The following CACNG7 variants were observed in gnomAD, a reference collection of about 807,000 sequenced individuals.
CACNG7 encodes the protein voltage-dependent calcium channel gamma-7 subunit.
A neutral mutation model predicts 26.3 loss-of-function variants in CACNG7; 9 were observed. The ratio of observed to expected loss-of-function variants is 0.34; its 90% CI spans 0.21 to 0.60. CACNG7 has a LOEUF of 0.60. Among genes scored for constraint, CACNG7 ranks in the 20% least tolerant of loss-of-function variants. The pLI is 0.81. For missense variants in CACNG7, 297 were observed against 380.4 expected (o/e 0.78, Z 1.82); for synonymous variants, 170 against 157.0 (o/e 1.08, Z -0.62).
rs1458897973 is a variant in CACNG7 at position 53,922,088 on chromosome 19, G to A, written c.424+6583G>A. On this transcript the variant is annotated intron_variant, in intron 4 of 5. Coordinates refer to ENST00000391767, the MANE Select transcript of CACNG7 (RefSeq NM_031896.5). ...TTGCCCCAGGTCTGGTATTGGTGGA[G>A]TTGTCCCCAGGCCTGGTCATTGGTG... Among the ~76,000 whole-genome samples, 3 of 109,406 alleles carry A rather than the reference G, an allele frequency of 2.7e-5. 1 individual carries two copies. Among genetic ancestry groups the A allele is most frequent in the African/African-American group, 8.5e-5 (2 of 23,616 alleles). The allele number at this position is 109,406 out of a possible 152,430, so 71.8% of individuals were successfully genotyped here.
chr19:53,920,976 G>GTCATTGGTGGACTTGCCCCAGGCTGC (rs1475094748), intron 4 of CACNG7, among the ~76,000 whole-genome samples: 2 of 92,562 alleles, frequency 2.2e-5, no homozygotes, highest in African/African-American at 5.8e-5. Flanking sequence ...CCCCAGGCTG[G>GTCATTGGTGGACTTGCCCCAGGCTGC]TCATTGGTGG....
chr19:53,923,313 G>GT (rs1599981463), intron 4 of CACNG7, among the ~76,000 whole-genome samples: 2 of 120,084 alleles, frequency 1.7e-5, no homozygotes, highest in Non-Finnish European at 3.4e-5. Flanking sequence ...GTTGACTCAG[G>GT]CTGGTCATTG....
rs74177830 is a variant in CACNG7 at position 53,927,838 on chromosome 19, CA to C, written c.424+12348del. Among the ~76,000 whole-genome samples, 369 of 110,486 alleles carry C rather than the reference CA, an allele frequency of 3.3e-3. 1 individual carries two copies. Among genetic ancestry groups the C allele is most frequent in the Middle Eastern group, 0.01 (2 of 194 alleles). 72.5% of individuals were successfully genotyped at this position (110,486 alleles called of 152,430 possible). On this transcript the variant is annotated intron_variant, in intron 4 of 5. Transcript: ENST00000391767. ...GGGCAACAAGAGCGAAACTCCATCT[CA>C]AAAAAAAAAAAAAAGGAAAGAAAAA... is the stretch of plus-strand genomic sequence containing the variant.
At chr19:53,913,223 C>A (rs966673986) in intron 2 of CACNG7, among the ~76,000 whole-genome samples, 196 bp downstream of exon 2, 1 of 152,020 alleles carries the variant, frequency 6.6e-6, no homozygotes, top group Non-Finnish European at 1.5e-5. Flanking sequence ...TGCTCCAGGC[C>A]CCTAACCCCT....
At chr19:53,936,542 T>C (rs918149245) in intron 4 of CACNG7, among the ~76,000 whole-genome samples, 1 of 152,218 alleles carries the variant, frequency 6.6e-6, no homozygotes, top group Non-Finnish European at 1.5e-5. Flanking sequence ...AAAAGAACTT[T>C]CTCTTTTTTC....
intron 4 of CACNG7, among the ~76,000 whole-genome samples, chr19:53,926,112 C>T (rs1253656151): frequency 6.6e-6 from 1 of 152,174 alleles, no homozygotes; most frequent in Non-Finnish European, 1.5e-5. Context: ...AGCCCATGTG[C>T]ACTCACTCAC....
At chr19:53,924,805 T>C (rs2069010240) in intron 4 of CACNG7, among the ~76,000 whole-genome samples, 2 of 123,188 alleles carry the variant, frequency 1.6e-5, no homozygotes, top group African/African-American at 6.6e-5. Context: ...TGGTCATTGG[T>C]GGACTTGCCC....
chr19:53,941,369 C>T (rs1309653717), intron 4 of CACNG7, 101 bp from the exon 5 acceptor site: 2 of 1,359,934 alleles, frequency 1.5e-6, no homozygotes, highest in Non-Finnish European at 1.9e-6. Flanking sequence ...GGAAGTTAGT[C>T]CAGGACAGAA....
chr19:53,925,000 C>T (rs1166400668), intron 4 of CACNG7, among the ~76,000 whole-genome samples: 1 of 134,940 alleles, frequency 7.4e-6, no homozygotes, highest in Admixed American at 7.3e-5. Flanking sequence ...GTGGAGTTGC[C>T]CCAGGTCTGG....
rs1417084046 is a variant in CACNG7 at position 53,942,346 on chromosome 19, G to A, written c.*53G>A. 44 of 1,538,818 alleles carry A rather than the reference G, an allele frequency of 2.9e-5. No homozygotes were observed. The Middle Eastern group carries it at 7.0e-4, about 25-fold the overall frequency. ...TCCTCCTCCTCCTCGTCTTAGGGGGGTCTCCCTGCAATGCAGCGCCCCCTT... is the reference window on the plus strand; with the variant it reads ...TCCTCCTCCTCCTCGTCTTAGGGGGATCTCCCTGCAATGCAGCGCCCCCTT... On this transcript the variant is annotated 3_prime_UTR_variant, in exon 6 of 6. Coordinates refer to ENST00000391767, the MANE Select transcript of CACNG7 (RefSeq NM_031896.5). This position sits in a 1 kb window ranked among gnomAD's most constrained non-coding sequence, Gnocchi z 5.9.
chr19:53,912,743 A>G lies in CACNG7; in HGVS notation c.-29-60A>G. On this transcript the variant is annotated intron_variant, in intron 1 of 5. Transcript: ENST00000391767. The surrounding 1 kb of genome is among the most constrained non-coding windows in gnomAD (Gnocchi z 4.6). ...AGGGCCCAGCATCCCGGGTTGCTGC[A>G]TGGGGTCAAGCACTCTGGTCGGTCC... is the stretch of plus-strand genomic sequence containing the variant. 7.3e-7 allele frequency: 1 copy of G among 1,362,260 alleles called. No homozygotes were observed. 84.4% of individuals were successfully genotyped at this position (1,362,260 alleles called of 1,614,324 possible).
rs977001180 is a variant in CACNG7, at chr19:53,939,122, TGGCG to T, written c.425-2345_425-2342del. Among the ~76,000 whole-genome samples the T allele has an allele frequency of 3.0e-4, 45 of 152,188 alleles. No homozygotes were observed. The highest frequency in any genetic ancestry group is 9.8e-4 in the Admixed American group (15 of 15,274). Reference sequence around the variant, plus strand: ...AAATACAAAAATTAGCCAGGCATGGTGGCGGGTGCCTGTTAATTCCAGCTACGCA... The same window carrying T: ...AAATACAAAAATTAGCCAGGCATGGTGGTGCCTGTTAATTCCAGCTACGCA... On this transcript the variant is annotated intron_variant, in intron 4 of 5. Coordinates refer to ENST00000391767, the MANE Select transcript of CACNG7 (RefSeq NM_031896.5). This position sits in a 1 kb window ranked among gnomAD's most constrained non-coding sequence, Gnocchi z 4.2.
intron 4 of CACNG7, among the ~76,000 whole-genome samples, chr19:53,931,159 A>C (rs781332083): frequency 6.6e-6 from 1 of 152,072 alleles, no homozygotes; most frequent in Non-Finnish European, 1.5e-5. Context: ...TCGTGCCACT[A>C]CACTTCAGCC....
chr19:53,927,652 A>T (rs1235555139), intron 4 of CACNG7, among the ~76,000 whole-genome samples: 1 of 152,110 alleles, frequency 6.6e-6, no homozygotes, highest in African/African-American at 2.4e-5. Context: ...AGACTAGCCA[A>T]CATGGTGAAA....
At chr19:53,934,227 A>G (rs1425450181) in intron 4 of CACNG7, among the ~76,000 whole-genome samples, 1 of 152,182 alleles carries the variant, frequency 6.6e-6, no homozygotes, top group Non-Finnish European at 1.5e-5. Flanking sequence ...TCTTCATGGT[A>G]ACACTTCATT....
Position 53,942,220 on chromosome 19 carries a change from T to C in CACNG7, c.755T>C (p.Ile252Thr). Reference protein sequence around the residue: ...SPSDISSDVSIQMTQNYPPAI... With the variant: ...SPSDISSDVSTQMTQNYPPAI... ...TCCGACATCTCCAGCGACGTGTCCA[T>C]CCAAATGACGCAGAACTACCCTCCC... is the stretch of plus-strand genomic sequence containing the variant. Residue 252 changes from isoleucine (I) to threonine (T), a missense_variant, in exon 6 of 6, where the codon ATC becomes ACC. By Grantham distance (89) the Ile-to-Thr change is moderately conservative (BLOSUM62 -1). Coordinates refer to ENST00000391767, the MANE Select transcript of CACNG7 (RefSeq NM_031896.5). The surrounding 1 kb of genome is among the most constrained non-coding windows in gnomAD (Gnocchi z 5.9). 6.2e-7 allele frequency: 1 copy of C among 1,613,802 alleles called. No homozygotes were observed. The highest frequency in any genetic ancestry group is 2.2e-5 in the East Asian group (1 of 44,832).
At chr19:53,926,768 CTGGGCATGGTGG>C (rs2069033995) in intron 4 of CACNG7, among the ~76,000 whole-genome samples, 1 of 151,900 alleles carries the variant, frequency 6.6e-6, no homozygotes, top group Non-Finnish European at 1.5e-5. Flanking sequence ...GAAAAATTGA[CTGGGCATGGTGG>C]TGGGCCCCTA....
chr19:53,932,126 G>C (rs1387650960), intron 4 of CACNG7, among the ~76,000 whole-genome samples: 1 of 151,384 alleles, frequency 6.6e-6, no homozygotes, highest in East Asian at 1.9e-4. Context: ...AGTGACTCGA[G>C]CCTGTAGTAT....
chr19:53,926,570 G>C (rs2145912066), intron 4 of CACNG7, among the ~76,000 whole-genome samples: 1 of 152,154 alleles, frequency 6.6e-6, no homozygotes, highest in South Asian at 2.1e-4. Context: ...TATTGCTACT[G>C]TTGTGCCATT....
Sources: gnomAD v4.1 joint callset for allele counts (sites outside exome capture counted in the v4.1 genomes callset) on GRCh38, gnomAD v4.1.1 for gene constraint, Gnocchi (gnomAD v3.1) non-coding constraint, MANE v1.5 for transcripts, NCBI Gene and HGNC (gene_info 2026-07-23, HGNC 2026-07-21) for gene names.